The following KIAA1328 variants were observed in gnomAD, a reference collection of about 807,000 sequenced individuals.
The protein encoded by KIAA1328 is KIAA1328, also known as protein hinderin.
A neutral mutation model predicts 68.1 loss-of-function variants in KIAA1328; 52 were observed. The observed-to-expected ratio is 0.76, with a 90% CI of 0.61 to 0.96. The LOEUF (loss-of-function observed/expected upper bound fraction) is 0.96, where lower values mean the gene tolerates loss of function less well. KIAA1328 is among the 40% of genes least tolerant of loss of function. KIAA1328 has a pLI of 0.00. For synonymous variants in KIAA1328, 232 were observed against 239.4 expected, an observed-to-expected ratio of 0.97 and a Z score of 0.28; for missense variants, 641 against 677.6, an observed-to-expected ratio of 0.95 and a Z score of 0.60.
At chr18:37,127,865 A>G (rs899869034) in intron 7 of KIAA1328, among the ~76,000 whole-genome samples, 3 of 152,254 alleles carry the variant, frequency 2.0e-5, no homozygotes, top group Non-Finnish European at 2.9e-5. Flanking sequence ...AACAGTAAAC[A>G]TATAGATCAG....
At chr18:36,953,461 T>G (rs2151240651) in intron 5 of KIAA1328, among the ~76,000 whole-genome samples, 1 of 150,398 alleles carries the variant, frequency 6.6e-6, no homozygotes, top group Non-Finnish European at 1.5e-5. Context: ...TCTGTATAAA[T>G]ATAGAAATAT....
chr18:37,192,070 C>G (rs920946426), intron 9 of KIAA1328, among the ~76,000 whole-genome samples: 8 of 152,098 alleles, frequency 5.3e-5, no homozygotes, highest in African/African-American at 1.7e-4. Flanking sequence ...ACACCTTAAC[C>G]TCCAGCTCAT....
At chr18:37,073,119 T>A (rs1468774754) in intron 7 of KIAA1328, among the ~76,000 whole-genome samples, 2 of 152,186 alleles carry the variant, frequency 1.3e-5, no homozygotes, top group Non-Finnish European at 1.5e-5. Flanking sequence ...GACTTCATGA[T>A]GAAAATGCTG....
chr18:37,013,082 C>G (rs1249235611), intron 6 of KIAA1328, among the ~76,000 whole-genome samples: 1 of 152,120 alleles, frequency 6.6e-6, no homozygotes, highest in Non-Finnish European at 1.5e-5. Context: ...TCATTAACAT[C>G]TTAAGGCCAT....
At chr18:37,217,429 C>T (rs2060465535) in intron 9 of KIAA1328, among the ~76,000 whole-genome samples, 1 of 152,112 alleles carries the variant, frequency 6.6e-6, no homozygotes, top group Non-Finnish European at 1.5e-5. Flanking sequence ...ACTAATGAAG[C>T]TTAGTTTGGC....
At chr18:37,125,862 A>T (rs752995094) in intron 7 of KIAA1328, among the ~76,000 whole-genome samples, 1 of 152,198 alleles carries the variant, frequency 6.6e-6, no homozygotes, top group Non-Finnish European at 1.5e-5. Context: ...ATTGTTGAAC[A>T]GTTGGTACAG....
chr18:37,057,884 ATAT>A (rs2055982878), intron 6 of KIAA1328, among the ~76,000 whole-genome samples: 1 of 152,144 alleles, frequency 6.6e-6, no homozygotes, highest in Non-Finnish European at 1.5e-5. Context: ...AAAGCCAAAA[ATAT>A]TTATTGTATG....
At chr18:37,083,519 C>T (rs2057010980) in intron 7 of KIAA1328, among the ~76,000 whole-genome samples, 1 of 152,210 alleles carries the variant, frequency 6.6e-6, no homozygotes, top group African/African-American at 2.4e-5. Flanking sequence ...TAACACTCAA[C>T]TCCCGGTAGA....
At chr18:36,870,312 A>G (rs999905988) in intron 4 of KIAA1328, among the ~76,000 whole-genome samples, 2 of 152,160 alleles carry the variant, frequency 1.3e-5, no homozygotes, top group African/African-American at 2.4e-5. Context: ...TAGTTTTTAG[A>G]GTAATTGATT....
intron 4 of KIAA1328, among the ~76,000 whole-genome samples, chr18:36,861,181 T>C (rs1047203054): frequency 5.3e-5 from 8 of 152,222 alleles, no homozygotes; most frequent in African/African-American, 1.9e-4. Flanking sequence ...CTTCCAAGTC[T>C]TGACACTTTT....
intron 6 of KIAA1328, among the ~76,000 whole-genome samples, chr18:36,981,761 ATT>A (rs71168251): frequency 7.1e-6 from 1 of 141,538 alleles, no homozygotes; most frequent in African/African-American, 2.6e-5. Flanking sequence ...TAATTGTTTG[ATT>A]TTTTTTTTTT....
At chr18:37,183,999 A>T (rs769997736) in intron 9 of KIAA1328, among the ~76,000 whole-genome samples, 1 of 152,062 alleles carries the variant, frequency 6.6e-6, no homozygotes, top group Non-Finnish European at 1.5e-5. Flanking sequence ...TACTTTTTCT[A>T]TTATTTTCTG....
intron 5 of KIAA1328, among the ~76,000 whole-genome samples, chr18:36,937,177 A>G (rs1304613800): frequency 6.6e-6 from 1 of 152,094 alleles, no homozygotes; most frequent in Admixed American, 6.6e-5. Context: ...CTGAAACTGG[A>G]CCCCTTGCTT....
At chr18:36,974,529 T>G (rs2052383705) in intron 6 of KIAA1328, among the ~76,000 whole-genome samples, 1 of 152,208 alleles carries the variant, frequency 6.6e-6, no homozygotes, top group Non-Finnish European at 1.5e-5. Context: ...TACCACATTT[T>G]CTTTTTCTAA....
chr18:36,841,107 G>C (rs2046844256), intron 3 of KIAA1328, among the ~76,000 whole-genome samples: 1 of 151,920 alleles, frequency 6.6e-6, no homozygotes, highest in Non-Finnish European at 1.5e-5. Context: ...ATGCCATTTG[G>C]ATCAGAAATA....
chr18:37,066,902 A>T lies in KIAA1328; in HGVS notation c.589A>T (p.Lys197Ter), dbSNP rs1388142017. Residue 197 changes from lysine to a stop codon, truncating the protein, a stop_gained, in exon 7 of 10, where the codon AAA becomes TAA. Transcript: ENST00000280020. LOFTEE classifies it high-confidence loss of function. ...RMQEQQVSSR[K>*]STLQCSSVEL... ...TGGTTCTTTCTAGGTATCCAGTAGAAAAAGCACTCTCCAGTGTTCATCTGT... is the reference window on the plus strand; with the variant it reads ...TGGTTCTTTCTAGGTATCCAGTAGATAAAGCACTCTCCAGTGTTCATCTGT... 1.3e-6 allele frequency: 2 copies of T among 1,587,772 alleles called. No homozygotes were observed. The highest frequency in any genetic ancestry group is 1.7e-6 in the Non-Finnish European group (2 of 1,167,000).
At chr18:36,885,120 A>G (rs897578283) in intron 4 of KIAA1328, among the ~76,000 whole-genome samples, 1 of 152,132 alleles carries the variant, frequency 6.6e-6, no homozygotes, top group African/African-American at 2.4e-5. Context: ...TATTTAGTAA[A>G]ATATTTAAAG....
At chr18:37,022,057 T>TTAAAATAAAATAAAATAAAA (rs757915141) in intron 6 of KIAA1328, among the ~76,000 whole-genome samples, 1 of 151,188 alleles carries the variant, frequency 6.6e-6, no homozygotes, top group Non-Finnish European at 1.5e-5. Flanking sequence ...AATTAATTAA[T>TTAAAATAAAATAAAATAAAA]TAAAATAAAA....
chr18:37,217,918 C>T (rs2060478689), intron 9 of KIAA1328, among the ~76,000 whole-genome samples: 1 of 151,952 alleles, frequency 6.6e-6, no homozygotes, highest in Admixed American at 6.6e-5. Flanking sequence ...TTGTTATAGC[C>T]ACAGGAGTTA....
Sources: gnomAD v4.1 joint callset for allele counts (sites outside exome capture counted in the v4.1 genomes callset) on GRCh38, gnomAD v4.1.1 for gene constraint, MANE v1.5 for transcripts, NCBI Gene and HGNC (gene_info 2026-07-23, HGNC 2026-07-21) for gene names.